HAPLN1: variants seen among roughly 807,000 people sequenced by gnomAD.
HAPLN1 encodes Cartilage link protein.
HAPLN1 carries 13 observed loss-of-function variants against 36.5 expected under a neutral mutation model. The observed-to-expected ratio is 0.36, with a 90% CI of 0.23 to 0.57. The LOEUF (loss-of-function observed/expected upper bound fraction) is 0.57. HAPLN1 is among the 20% of genes least tolerant of loss of function. The pLI, the probability that HAPLN1 is intolerant of heterozygous loss-of-function variation, is 0.83. For missense variants in HAPLN1, 407 were observed against 439.7 expected (o/e 0.93, Z 0.66); for synonymous variants, 202 against 169.8 (o/e 1.19, Z -1.48).
intron 1 of HAPLN1, among the ~76,000 whole-genome samples, chr5:83,689,375 T>C (rs1234852440): frequency 2.6e-5 from 4 of 152,096 alleles, no homozygotes; most frequent in African/African-American, 9.7e-5. Flanking sequence ...ATTACTAATA[T>C]TACTGGCTTG....
rs757379429 is a variant in HAPLN1, at chr5:83,644,654, G to A, written c.484C>T (p.Pro162Ser). The change falls in exon 4 of 5, where the codon CCT becomes TCT. Residue 162 changes from proline to serine, a missense_variant. Pro to Ser is a moderately conservative substitution (Grantham distance 74, BLOSUM62 -1). Coordinates refer to ENST00000274341, the MANE Select transcript of HAPLN1 (RefSeq NM_001884.4). Reference sequence around the variant, plus strand: ...TAGCGCCCCAGTCGTGGAAAGTAAGGGAATACCACACCTGTCCAAAGGAGA... The same window carrying A: ...TAGCGCCCCAGTCGTGGAAAGTAAGAGAATACCACACCTGTCCAAAGGAGA... ...VALDLQGVVF[P>S]YFPRLGRYNL... 2 of 1,466,636 alleles carry A rather than the reference G, an allele frequency of 1.4e-6. No homozygotes were observed. The highest frequency in any genetic ancestry group is 3.0e-5 in the South Asian group (2 of 67,588). The allele number at this position is 1,466,636 out of a possible 1,614,324, so 90.9% of individuals were successfully genotyped here.
At position 83,650,801 on chromosome 5, in the gene HAPLN1, AT is replaced by A. The variant is rs556412025; in HGVS notation, c.472+1651del. Among the ~76,000 whole-genome samples the A allele has an allele frequency of 7.4e-3, 1,117 of 151,530 alleles. 16 individuals are homozygous for A. Among genetic ancestry groups the A allele is most frequent in the African/African-American group, 0.026 (1,075 of 41,304 alleles). ...AGGCGCCTGCCACCATGCCCGGCTAATTTTTTGTATTTTTAGTAGAGACGGG... is the reference window on the plus strand; with the variant it reads ...AGGCGCCTGCCACCATGCCCGGCTAATTTTTGTATTTTTAGTAGAGACGGG... On this transcript the variant is annotated intron_variant, in intron 3 of 4. Coordinates refer to ENST00000274341, the MANE Select transcript of HAPLN1 (RefSeq NM_001884.4).
At chr5:83,699,758 TTAAA>T (rs1435851322) in intron 1 of HAPLN1, among the ~76,000 whole-genome samples, 1 of 152,214 alleles carries the variant, frequency 6.6e-6, no homozygotes, top group Non-Finnish European at 1.5e-5. Context: ...ATACTGAATA[TTAAA>T]TCAATCATGT....
In HAPLN1 at chr5:83,673,462, T is replaced by C. The variant is rs1424989416; in HGVS notation, c.62A>G (p.Asn21Ser). Residue 21 changes from asparagine to serine, a missense_variant, in exon 2 of 5, where the codon AAC (asparagine) becomes AGC (serine). By Grantham distance (46) the Asn-to-Ser change is conservative. Coordinates refer to ENST00000274341, the MANE Select transcript of HAPLN1 (RefSeq NM_001884.4). ...AGCTCTGTCATGATCCAGAGTATAG[T>C]TGTCTGAAAGATGATCAGCCCAGCA... Reference protein sequence around the residue: ...SICWADHLSDNYTLDHDRAIH... With the variant: ...SICWADHLSDSYTLDHDRAIH... 6.2e-7 allele frequency: 1 copy of C among 1,613,596 alleles called. No individual in the cohort carries two copies. The highest frequency in any genetic ancestry group is 8.5e-7 in the Non-Finnish European group (1 of 1,179,730).
intron 1 of HAPLN1, among the ~76,000 whole-genome samples, chr5:83,697,770 G>A (rs765665913): frequency 5.9e-5 from 9 of 152,032 alleles, no homozygotes; most frequent in African/African-American, 2.2e-4. Flanking sequence ...GGTATAACTC[G>A]TATTTTCCTA....
chr5:83,658,974 T>G (rs1437280342), intron 2 of HAPLN1, among the ~76,000 whole-genome samples: 1 of 152,116 alleles, frequency 6.6e-6, no homozygotes, highest in Admixed American at 6.5e-5. Flanking sequence ...ACCTACTTTA[T>G]TTGAATTTGA....
chr5:83,666,703 T>G (rs1750562235), intron 2 of HAPLN1, among the ~76,000 whole-genome samples: 2 of 152,184 alleles, frequency 1.3e-5, no homozygotes, highest in Admixed American at 1.3e-4. Flanking sequence ...TAATAAGCTC[T>G]TTTAGTTTGG....
chr5:83,706,325 A>T (rs1175345767), intron 1 of HAPLN1, among the ~76,000 whole-genome samples: 1 of 152,140 alleles, frequency 6.6e-6, no homozygotes, highest in Admixed American at 6.5e-5. Context: ...TGATGCAAAA[A>T]TCCCTAACAA....
intron 1 of HAPLN1, among the ~76,000 whole-genome samples, chr5:83,709,951 C>T (rs1309284544): frequency 6.6e-6 from 1 of 152,132 alleles, no homozygotes; most frequent in Admixed American, 6.6e-5. Flanking sequence ...AGGATGACTC[C>T]TATGTTCCTG....
At chr5:83,709,079 A>G (rs965889631) in intron 1 of HAPLN1, among the ~76,000 whole-genome samples, 1 of 152,210 alleles carries the variant, frequency 6.6e-6, no homozygotes, top group Admixed American at 6.5e-5. Flanking sequence ...GGTTTTCACC[A>G]TGTTGGTCAG....
intron 2 of HAPLN1, among the ~76,000 whole-genome samples, chr5:83,659,259 G>A (rs945567904): frequency 6.7e-6 from 1 of 149,168 alleles, no homozygotes; most frequent in African/African-American, 2.5e-5. Flanking sequence ...GGGTGACAGA[G>A]CGAGACTTCA....
intron 2 of HAPLN1, among the ~76,000 whole-genome samples, chr5:83,659,669 C>G (rs369720663): frequency 9.2e-5 from 14 of 152,166 alleles, no homozygotes; most frequent in African/African-American, 3.1e-4. Context: ...ACACAAGAAG[C>G]TGGTAGCCAT....
chr5:83,678,794 A>G (rs2216238), intron 1 of HAPLN1, among the ~76,000 whole-genome samples: 43,383 of 152,170 alleles, frequency 0.29, 6,730 homozygotes, highest in East Asian at 0.41. Context: ...AAAGTAGCAA[A>G]TGAATAATAA....
intron 1 of HAPLN1, chr5:83,682,452 T>C (rs1325324878): frequency 6.6e-6 from 1 of 152,242 alleles, no homozygotes; most frequent in Admixed American, 6.5e-5. Context: ...TACCTAGTTA[T>C]ACTAAGTCAT....
chr5:83,662,148 C>T (rs996118171), intron 2 of HAPLN1, among the ~76,000 whole-genome samples: 2 of 152,076 alleles, frequency 1.3e-5, no homozygotes, highest in African/African-American at 4.8e-5. Flanking sequence ...GGTGATCTGC[C>T]CCCCTCGGCC....
At chr5:83,711,720 A>G (rs923818026) in intron 1 of HAPLN1, among the ~76,000 whole-genome samples, 3 of 152,160 alleles carry the variant, frequency 2.0e-5, no homozygotes, top group Admixed American at 2.0e-4. Context: ...TTTTGTTATC[A>G]TGATTAGTAA....
intron 2 of HAPLN1, among the ~76,000 whole-genome samples, chr5:83,659,429 G>C (rs1026345218): frequency 1.1e-4 from 16 of 152,138 alleles, no homozygotes; most frequent in Non-Finnish European, 1.9e-4. Flanking sequence ...AAGTATATCT[G>C]AAAGTATTCA....
chr5:83,703,597 A>G (rs1485466036), intron 1 of HAPLN1: 1 of 152,170 alleles, frequency 6.6e-6, no homozygotes, highest in Non-Finnish European at 1.5e-5. Flanking sequence ...TCAGAACTTG[A>G]ATACTGTCTC....
chr5:83,701,337 C>T (rs1003932958), intron 1 of HAPLN1, among the ~76,000 whole-genome samples: 19 of 152,242 alleles, frequency 1.2e-4, no homozygotes, highest in African/African-American at 4.1e-4. Flanking sequence ...AAATTTTGCA[C>T]ACTGTCAGGA....
Sources: allele counts gnomAD v4.1 joint callset (sites outside exome capture counted in the v4.1 genomes callset), GRCh38; gene constraint gnomAD v4.1.1; transcripts MANE v1.5; gene names NCBI Gene and HGNC (gene_info 2026-07-23, HGNC 2026-07-21).